Variants in MBD5 observed in about 807,000 individuals in gnomAD.
The protein encoded by MBD5 is methyl-CpG binding domain protein 5, also known as methyl-CpG-binding domain protein 5.
In MBD5, 13 loss-of-function variants were observed where a neutral mutation model predicts 117.3. That is an observed-to-expected ratio of 0.11 (90% confidence interval 0.07 to 0.18). MBD5 has a LOEUF of 0.18. Among genes scored for constraint, MBD5 ranks in the 10% least tolerant of loss-of-function variants. The probability of loss-of-function intolerance (pLI) is 1.00; values close to 1 mark genes in which losing one functional copy is unlikely to be tolerated. For missense variants in MBD5, 1,879 were observed against 2,093.8 expected, an observed-to-expected ratio of 0.90 and a Z score of 2.00; for synonymous variants, 727 against 766.4, an observed-to-expected ratio of 0.95 and a Z score of 0.85.
chr2:148,117,355 A>C (rs1038516833), intron 1 of MBD5, among the ~76,000 whole-genome samples: 2 of 151,932 alleles, frequency 1.3e-5, no homozygotes, highest in Admixed American at 1.3e-4. Context: ...TCCTCAGAGG[A>C]CTAAGACATG....
chr2:148,148,263 T>C (rs749812039), intron 1 of MBD5, among the ~76,000 whole-genome samples: 2 of 152,196 alleles, frequency 1.3e-5, no homozygotes, highest in Non-Finnish European at 2.9e-5. Flanking sequence ...CTCCTAAAAC[T>C]GTAGAATGTA....
At chr2:148,155,812 T>C (rs111312447) in intron 1 of MBD5, among the ~76,000 whole-genome samples, 11 of 152,348 alleles carry the variant, frequency 7.2e-5, no homozygotes, top group African/African-American at 2.4e-4. Flanking sequence ...GTTAATGACA[T>C]AGAGCAGTGT....
At chr2:148,305,738 T>C (rs540395384) in intron 3 of MBD5, among the ~76,000 whole-genome samples, 2 of 152,282 alleles carry the variant, frequency 1.3e-5, no homozygotes, top group South Asian at 4.2e-4. Flanking sequence ...TAGTTCTTAG[T>C]GATGCCAAAG....
At chr2:148,431,268 A>G (rs752777054) in intron 4 of MBD5, among the ~76,000 whole-genome samples, 1 of 152,146 alleles carries the variant, frequency 6.6e-6, no homozygotes, top group South Asian at 2.1e-4. Context: ...AGTTTACAAA[A>G]TATTTTATTA....
At chr2:148,145,280 A>AT (rs1697426674) in intron 1 of MBD5, among the ~76,000 whole-genome samples, 1 of 151,964 alleles carries the variant, frequency 6.6e-6, no homozygotes, top group Non-Finnish European at 1.5e-5. Flanking sequence ...AATGCTTGTG[A>AT]TTTTTGCACA....
chr2:148,418,621 A>G (rs927329488), intron 4 of MBD5, among the ~76,000 whole-genome samples: 4 of 152,208 alleles, frequency 2.6e-5, no homozygotes, highest in Non-Finnish European at 5.9e-5. Context: ...AGTCCCTTTT[A>G]CAATAGCTAC....
Position 148,021,645 on chromosome 2 carries a change from C to T in MBD5, c.-964C>T, listed in dbSNP as rs1034237747. ...TTATTACCCTTTGTGTCATCCTCCACAGCTCCAGGGAAGGCACTCAAAAGT... is the reference window on the plus strand; with the variant it reads ...TTATTACCCTTTGTGTCATCCTCCATAGCTCCAGGGAAGGCACTCAAAAGT... On this transcript the variant is annotated 5_prime_UTR_variant, in exon 1 of 14. Transcript: ENST00000642680. The T allele has an allele frequency of 4.7e-6, 2 of 421,470 alleles. No homozygotes were observed. Among genetic ancestry groups the T allele is most frequent in the Non-Finnish European group, 9.4e-6 (2 of 212,560 alleles). The allele number at this position is 421,470 out of a possible 1,614,324, so 26.1% of individuals were successfully genotyped here.
intron 1 of MBD5, among the ~76,000 whole-genome samples, chr2:148,134,420 TA>T (rs1697126185): frequency 6.6e-6 from 1 of 152,204 alleles, no homozygotes. Flanking sequence ...TTTTCAATAT[TA>T]AAGTGGATTA....
At chr2:148,051,680 GC>G (rs1202969852) in intron 1 of MBD5, among the ~76,000 whole-genome samples, 1 of 148,426 alleles carries the variant, frequency 6.7e-6, no homozygotes, top group African/African-American at 2.5e-5. Flanking sequence ...TTTGTCATAT[GC>G]TTTTTCTGCA....
chr2:148,061,715 T>G (rs1236198762), intron 1 of MBD5, among the ~76,000 whole-genome samples: 1 of 151,922 alleles, frequency 6.6e-6, no homozygotes, highest in Non-Finnish European at 1.5e-5. Context: ...GAAAATGAAA[T>G]TCTTGAATCA....
intron 1 of MBD5, among the ~76,000 whole-genome samples, chr2:148,125,470 C>T (rs1696866818): frequency 6.6e-6 from 1 of 151,954 alleles, no homozygotes; most frequent in South Asian, 2.1e-4. Flanking sequence ...AAATTTATTC[C>T]TCATATTACC....
At chr2:148,477,601 A>C (rs1681011530) in intron 8 of MBD5, among the ~76,000 whole-genome samples, 1 of 152,180 alleles carries the variant, frequency 6.6e-6, no homozygotes. Flanking sequence ...TATTATTGTT[A>C]TCATTAAAAA....
intron 3 of MBD5, among the ~76,000 whole-genome samples, chr2:148,297,529 A>G (rs748710610): frequency 2.6e-4 from 39 of 152,182 alleles, no homozygotes; most frequent in Non-Finnish European, 4.9e-4. Flanking sequence ...GTAATGCTTT[A>G]TTGTTTCCAA....
intron 1 of MBD5, among the ~76,000 whole-genome samples, chr2:148,159,610 T>A (rs1213498416): frequency 6.6e-6 from 1 of 152,102 alleles, no homozygotes; most frequent in Admixed American, 6.6e-5. Flanking sequence ...CAATTAGAAG[T>A]ATATATATGT....
At chr2:148,022,786 T>A (rs1182371614) in intron 1 of MBD5, among the ~76,000 whole-genome samples, 1 of 152,204 alleles carries the variant, frequency 6.6e-6, no homozygotes, top group African/African-American at 2.4e-5. Context: ...AGTTAGTATA[T>A]TAATTTCAGT....
chr2:148,235,058 A>G (rs1700063233), intron 3 of MBD5, among the ~76,000 whole-genome samples: 1 of 152,276 alleles, frequency 6.6e-6, no homozygotes, highest in South Asian at 2.1e-4. Flanking sequence ...TATATGAAAT[A>G]GTGCAGTTTT....
rs74999480 is a variant in MBD5 at position 148,225,090 on chromosome 2, A to G, written c.-830-8155A>G. On this transcript the variant is annotated intron_variant, in intron 2 of 13. Transcript: ENST00000642680. ...TCAGTTTCTTTATTGGTAAGTAAGG[A>G]CTTACTCCTGCCATTTTGTTATTTG... is the stretch of plus-strand genomic sequence containing the variant. Among the ~76,000 whole-genome samples, 197 of 152,064 alleles carry G rather than the reference A, an allele frequency of 1.3e-3. 2 individuals carry two copies. The highest frequency in any genetic ancestry group is 4.5e-3 in the African/African-American group (186 of 41,472).
At chr2:148,275,805 A>G (rs1433009885) in intron 3 of MBD5, among the ~76,000 whole-genome samples, 1 of 152,036 alleles carries the variant, frequency 6.6e-6, no homozygotes. Flanking sequence ...TATTATCTTA[A>G]TATGAGTTCT....
intron 1 of MBD5, among the ~76,000 whole-genome samples, chr2:148,070,632 C>T (rs546891928): frequency 1.3e-5 from 2 of 151,998 alleles, no homozygotes; most frequent in Admixed American, 6.6e-5. Context: ...ATCCTTGGTT[C>T]ATTGCTTTGT....
Sources: gnomAD v4.1 joint callset for allele counts (sites outside exome capture counted in the v4.1 genomes callset) on GRCh38, gnomAD v4.1.1 for gene constraint, MANE v1.5 for transcripts, NCBI Gene and HGNC (gene_info 2026-07-23, HGNC 2026-07-21) for gene names.